The following CRPPA variants were observed in gnomAD, a reference collection of about 807,000 sequenced individuals.
CRPPA encodes the protein D-ribitol-5-phosphate cytidylyltransferase.
In CRPPA, 43 loss-of-function variants were observed where a neutral mutation model predicts 52.0. The ratio of observed to expected loss-of-function variants is 0.83; its 90% confidence interval spans 0.65 to 1.07. CRPPA has a LOEUF of 1.07. Among genes scored for constraint, CRPPA ranks in the 50% least tolerant of loss-of-function variants. CRPPA has a pLI of 0.00. For missense variants in CRPPA, 629 were observed against 551.7 expected, an observed-to-expected ratio of 1.14 and a Z score of -1.40; for synonymous variants, 250 against 203.5, an observed-to-expected ratio of 1.23 and a Z score of -1.94.
At chr7:16,381,689 T>C (rs1415607612) in intron 2 of CRPPA, among the ~76,000 whole-genome samples, 2 of 152,056 alleles carry the variant, frequency 1.3e-5, no homozygotes, top group Admixed American at 1.3e-4. Context: ...ATTGGGTGCA[T>C]ATATATTTAG....
intron 2 of CRPPA, among the ~76,000 whole-genome samples, chr7:16,381,705 T>G (rs1054869012): frequency 2.7e-5 from 4 of 150,828 alleles, no homozygotes; most frequent in Admixed American, 2.0e-4. Flanking sequence ...TTTAGGATAG[T>G]TAGCTCTTCT....
At chr7:16,366,457 T>A (rs541156634) in intron 3 of CRPPA, among the ~76,000 whole-genome samples, 2 of 152,346 alleles carry the variant, frequency 1.3e-5, no homozygotes, top group East Asian at 3.9e-4. Flanking sequence ...AAGATGTGGC[T>A]GAAACTATAA....
At chr7:16,095,893 A>G (rs1781926171) in intron 9 of CRPPA, among the ~76,000 whole-genome samples, 1 of 152,162 alleles carries the variant, frequency 6.6e-6, no homozygotes. Context: ...GAGAAACTCA[A>G]CGAGGCCTAG....
chr7:16,096,252 G>C (rs1781933055), intron 9 of CRPPA, among the ~76,000 whole-genome samples: 1 of 151,476 alleles, frequency 6.6e-6, no homozygotes, highest in African/African-American at 2.4e-5. Context: ...CACTAGATAG[G>C]CAAAGAAGCA....
chr7:16,215,947 G>T, intron 9 of CRPPA, 119 bp downstream of exon 9: 1 of 790,348 alleles, frequency 1.3e-6, no homozygotes, highest in Non-Finnish European at 2.0e-6. Flanking sequence ...ACATAGATGA[G>T]TAACTTTCCA....
intron 8 of CRPPA, among the ~76,000 whole-genome samples, chr7:16,242,777 A>AT (rs1783157086): frequency 1.3e-5 from 2 of 152,230 alleles, no homozygotes; most frequent in African/African-American, 2.4e-5. Flanking sequence ...ATTAAAAAAA[A>AT]ATTTTTTTCA....
At chr7:16,275,118 T>A (rs1045284017) in intron 6 of CRPPA, among the ~76,000 whole-genome samples, 1 of 151,772 alleles carries the variant, frequency 6.6e-6, no homozygotes, top group African/African-American at 2.4e-5. Context: ...TGGCAGCACA[T>A]ATAAAGACAC....
intron 3 of CRPPA, among the ~76,000 whole-genome samples, chr7:16,340,627 C>T (rs1009689686): frequency 4.3e-5 from 6 of 140,100 alleles, no homozygotes; most frequent in Non-Finnish European, 7.8e-5. Flanking sequence ...AAAAAAAAAA[C>T]GAAAAAACCA....
chr7:16,367,293 T>C (rs1159732741), intron 3 of CRPPA, among the ~76,000 whole-genome samples: 2 of 152,132 alleles, frequency 1.3e-5, no homozygotes, highest in African/African-American at 2.4e-5. Context: ...CTCTTCCTTA[T>C]CTGCAAATCC....
chr7:16,317,375 T>C (rs1363792906), intron 3 of CRPPA, among the ~76,000 whole-genome samples: 2 of 152,212 alleles, frequency 1.3e-5, no homozygotes, highest in East Asian at 1.9e-4. Flanking sequence ...TGGTTATAAA[T>C]GTAAATTGTT....
chr7:16,420,539 A>G lies in CRPPA; in HGVS notation c.257+527T>C, dbSNP rs568092699. Among the ~76,000 whole-genome samples the G allele has an allele frequency of 3.3e-5, 5 of 152,096 alleles. No individual in the cohort carries two copies. The South Asian group carries it at 1.0e-3, about 32-fold the overall frequency. On this transcript the variant is annotated intron_variant, in intron 1 of 9. Transcript: ENST00000407010. ...CAAATTCAGGCTTAAAGCCCTTTCC[A>G]CCATTGAAAGGTTATTAAATTCTGC...
intron 2 of CRPPA, among the ~76,000 whole-genome samples, chr7:16,396,165 T>C (rs978174057): frequency 2.6e-5 from 4 of 152,300 alleles, no homozygotes; most frequent in Non-Finnish European, 5.9e-5. Context: ...AAAAACATTA[T>C]CTTATCCCCA....
rs75914477 is a variant in CRPPA, at chr7:16,322,601, A to C, written c.685-13974T>G. Among the ~76,000 whole-genome samples the C allele has an allele frequency of 5.2e-4, 79 of 152,304 alleles. No homozygotes were observed. In the East Asian group the frequency reaches 0.012, roughly 23 times the overall value. Reference sequence around the variant, plus strand: ...GCAGAGAACTGGGACTTAACTAAGGAATAATCACTATTTTTAGGGTAAGGA... The same window carrying C: ...GCAGAGAACTGGGACTTAACTAAGGCATAATCACTATTTTTAGGGTAAGGA... On this transcript the variant is annotated intron_variant, in intron 3 of 9. Transcript: ENST00000407010.
intron 1 of CRPPA, among the ~76,000 whole-genome samples, chr7:16,409,379 C>T (rs761295701): frequency 6.6e-6 from 1 of 152,088 alleles, no homozygotes; most frequent in Non-Finnish European, 1.5e-5. Context: ...TTTATAGCAG[C>T]AATAGGAATC....
At chr7:16,179,251 T>C (rs1397659279) in intron 9 of CRPPA, among the ~76,000 whole-genome samples, 1 of 152,124 alleles carries the variant, frequency 6.6e-6, no homozygotes, top group Non-Finnish European at 1.5e-5. Flanking sequence ...CCTATAAAAA[T>C]TTTAAAATGC....
At chr7:16,284,318 G>C (rs1193656298) in intron 5 of CRPPA, among the ~76,000 whole-genome samples, 5 of 151,916 alleles carry the variant, frequency 3.3e-5, no homozygotes, top group Admixed American at 6.6e-5. Context: ...ATATATAAGG[G>C]GAAGGCAGGA....
chr7:16,371,411 G>A (rs926433460), intron 3 of CRPPA, among the ~76,000 whole-genome samples: 1 of 151,980 alleles, frequency 6.6e-6, no homozygotes, highest in Non-Finnish European at 1.5e-5. Flanking sequence ...ATCTGGGAAA[G>A]CCAGTGCACA....
intron 3 of CRPPA, among the ~76,000 whole-genome samples, chr7:16,311,568 C>G (rs1301367035): frequency 6.6e-6 from 1 of 151,992 alleles, no homozygotes; most frequent in African/African-American, 2.4e-5. Context: ...TGTTTATCCC[C>G]TCATCTAAGC....
chr7:16,384,394 G>A (rs913339487), intron 2 of CRPPA, among the ~76,000 whole-genome samples: 9 of 152,178 alleles, frequency 5.9e-5, no homozygotes, highest in South Asian at 2.1e-4. Context: ...TGAAAGCCAC[G>A]GGAAAACAAA....
Sources: gnomAD v4.1 joint callset for allele counts (sites outside exome capture counted in the v4.1 genomes callset) on GRCh38, gnomAD v4.1.1 for gene constraint, MANE v1.5 for transcripts, NCBI Gene and HGNC (gene_info 2026-07-23, HGNC 2026-07-21) for gene names.